Variants in KCNIP4 observed in about 807,000 individuals in gnomAD.
KCNIP4 encodes the protein potassium voltage-gated channel interacting protein 4.
Under a neutral mutation model 34.0 loss-of-function variants are expected in KCNIP4, and 12 were observed. The ratio of observed to expected loss-of-function variants is 0.35; its 90% CI spans 0.23 to 0.57. The LOEUF is 0.57. Among genes scored for constraint, KCNIP4 ranks in the 20% least tolerant of loss-of-function variants. The pLI, the probability that KCNIP4 is intolerant of heterozygous loss-of-function variation, is 0.83. For synonymous variants in KCNIP4, 124 were observed against 102.2 expected, an observed-to-expected ratio of 1.21 and a Z score of -1.29; for missense variants, 238 against 311.7, an observed-to-expected ratio of 0.76 and a Z score of 1.78.
intron 1 of KCNIP4, among the ~76,000 whole-genome samples, chr4:21,378,893 TA>T (rs1317654784): frequency 6.6e-6 from 1 of 152,092 alleles, no homozygotes; most frequent in Non-Finnish European, 1.5e-5. Flanking sequence ...TCTTTCAAAT[TA>T]AAAAAACACA....
intron 1 of KCNIP4, among the ~76,000 whole-genome samples, chr4:20,950,849 T>C (rs961717844): frequency 9.9e-5 from 15 of 152,156 alleles, no homozygotes; most frequent in Admixed American, 9.8e-4. Flanking sequence ...GGGTGCACTC[T>C]CTGCTGTTTT....
At chr4:21,879,314 C>A (rs182999720) in intron 1 of KCNIP4, among the ~76,000 whole-genome samples, 1 of 152,198 alleles carries the variant, frequency 6.6e-6, no homozygotes, top group African/African-American at 2.4e-5. Flanking sequence ...TGAAACCAAG[C>A]AAACCCCATG....
chr4:21,604,387 A>G (rs1445647504), intron 1 of KCNIP4, among the ~76,000 whole-genome samples: 1 of 152,174 alleles, frequency 6.6e-6, no homozygotes, highest in Non-Finnish European at 1.5e-5. Flanking sequence ...TAATCTGACC[A>G]TGTTTGCTCA....
intron 1 of KCNIP4, among the ~76,000 whole-genome samples, chr4:21,247,844 G>A (rs1279560336): frequency 2.7e-4 from 22 of 82,826 alleles, no homozygotes; most frequent in African/African-American, 1.0e-3. Flanking sequence ...GACACCACAG[G>A]TGGAGATATA....
At chr4:20,852,353 T>C (rs1721127073) in intron 2 of KCNIP4, among the ~76,000 whole-genome samples, 1 of 152,168 alleles carries the variant, frequency 6.6e-6, no homozygotes, top group South Asian at 2.1e-4. Context: ...ATATACCACA[T>C]AAACAGAATT....
At chr4:21,035,665 A>T (rs1388562688) in intron 1 of KCNIP4, among the ~76,000 whole-genome samples, 5 of 152,190 alleles carry the variant, frequency 3.3e-5, no homozygotes, top group Admixed American at 3.3e-4. Context: ...AGGAAAGGAA[A>T]TTCATATTTA....
intron 1 of KCNIP4, among the ~76,000 whole-genome samples, chr4:21,735,507 G>A (rs571933830): frequency 4.6e-5 from 7 of 152,254 alleles, no homozygotes; most frequent in Admixed American, 2.6e-4. Context: ...CTGTGCACCT[G>A]TTACCAACTC....
intron 3 of KCNIP4, among the ~76,000 whole-genome samples, chr4:20,839,641 GATA>G (rs1197311787): frequency 1.3e-5 from 2 of 152,024 alleles, no homozygotes; most frequent in African/African-American, 4.8e-5. Context: ...GTACTGGCAT[GATA>G]ATAATGGTGC....
intron 1 of KCNIP4, among the ~76,000 whole-genome samples, chr4:21,175,479 A>T (rs1298089532): frequency 2.0e-5 from 3 of 152,180 alleles, no homozygotes; most frequent in African/African-American, 7.2e-5. Context: ...TTCTTACCCT[A>T]GATTTTAGCA....
At chr4:21,679,312 G>A (rs1318224944) in intron 1 of KCNIP4, among the ~76,000 whole-genome samples, 2 of 152,146 alleles carry the variant, frequency 1.3e-5, no homozygotes, top group Non-Finnish European at 2.9e-5. Flanking sequence ...CTTAGTATGT[G>A]TATTATCTGA....
chr4:20,931,111 AAT>A (rs1246781688), intron 1 of KCNIP4, among the ~76,000 whole-genome samples: 1 of 152,022 alleles, frequency 6.6e-6, no homozygotes, highest in African/African-American at 2.4e-5. Flanking sequence ...ATCTATTCAC[AAT>A]AGTCAACATA....
chr4:21,675,776 G>T (rs975800905), intron 1 of KCNIP4, among the ~76,000 whole-genome samples: 1 of 152,076 alleles, frequency 6.6e-6, no homozygotes, highest in African/African-American at 2.4e-5. Flanking sequence ...TGTCCATTGA[G>T]GCCATCAAAA....
chr4:21,253,080 T>C (rs146609808), intron 1 of KCNIP4, among the ~76,000 whole-genome samples: 4 of 152,318 alleles, frequency 2.6e-5, no homozygotes, highest in African/African-American at 9.6e-5. Context: ...CACTCATACC[T>C]TTCTGTGACA....
intron 1 of KCNIP4, among the ~76,000 whole-genome samples, chr4:21,605,860 C>CA (rs1269982206): frequency 4.6e-5 from 7 of 151,970 alleles, no homozygotes; most frequent in South Asian, 2.1e-4. Context: ...TGACCACCAT[C>CA]AAAAAAATGG....
At chr4:21,096,176 G>A (rs755993247) in intron 1 of KCNIP4, among the ~76,000 whole-genome samples, 8 of 152,018 alleles carry the variant, frequency 5.3e-5, no homozygotes, top group Non-Finnish European at 1.0e-4. Flanking sequence ...CAGACTGTTG[G>A]TCATGAGTTG....
At chr4:20,832,302 G>A (rs1718522129) in intron 3 of KCNIP4, among the ~76,000 whole-genome samples, 1 of 152,090 alleles carries the variant, frequency 6.6e-6, no homozygotes, top group African/African-American at 2.4e-5. Context: ...TAATTGCCTA[G>A]AGTTGAAGTG....
intron 1 of KCNIP4, among the ~76,000 whole-genome samples, chr4:21,505,131 G>T (rs1733726454): frequency 6.6e-6 from 1 of 152,096 alleles, no homozygotes; most frequent in South Asian, 2.1e-4. Context: ...TCATATATAT[G>T]AATTCATTTG....
chr4:21,433,069 C>A (rs918002579), intron 1 of KCNIP4, among the ~76,000 whole-genome samples: 2 of 152,000 alleles, frequency 1.3e-5, no homozygotes, highest in African/African-American at 4.8e-5. Context: ...ACTTATTGAC[C>A]CCAATTCTTT....
At chr4:21,029,408 A>ACAGTG (rs1421614596) in intron 1 of KCNIP4, among the ~76,000 whole-genome samples, 3 of 152,338 alleles carry the variant, frequency 2.0e-5, no homozygotes, top group Admixed American at 2.0e-4. Flanking sequence ...TGATGTACTA[A>ACAGTG]CAGTGCAGTA....
Sources: gnomAD v4.1 joint callset for allele counts (sites outside exome capture counted in the v4.1 genomes callset) on GRCh38, gnomAD v4.1.1 for gene constraint, MANE v1.5 for transcripts, NCBI Gene and HGNC (gene_info 2026-07-23, HGNC 2026-07-21) for gene names.